Variants in SAMD5 observed in about 807,000 individuals in gnomAD.
SAMD5 encodes the protein sterile alpha motif domain-containing protein 5.
Under a neutral mutation model 11.3 loss-of-function variants are expected in SAMD5, and 13 were observed. The observed-to-expected ratio is 1.15, with a 90% CI of 0.75 to 1.83. The LOEUF is 1.83. Among genes scored for constraint, SAMD5 ranks in the 40% most tolerant of loss-of-function variants. SAMD5 has a pLI of 0.00. For missense variants in SAMD5, 255 were observed against 239.1 expected (o/e 1.07, Z -0.44); for synonymous variants, 129 against 111.3 (o/e 1.16, Z -1.00).
At chr6:147,798,611 C>G in the SAMD5 span, among the ~76,000 whole-genome samples, 2 of 151,932 alleles carry the variant, frequency 1.3e-5, no homozygotes, top group African/African-American at 4.8e-5. Context: ...GAGTTCAATT[C>G]CTGGGTATCC....
chr6:147,608,902 C>T (rs1176516976), intron 1 of SAMD5, among the ~76,000 whole-genome samples: 3 of 151,910 alleles, frequency 2.0e-5, no homozygotes, highest in African/African-American at 7.3e-5. Context: ...CAAAACAGCT[C>T]GTGTACCCCA....
chr6:147,916,696 T>A, the SAMD5 span, among the ~76,000 whole-genome samples: 1 of 143,692 alleles, frequency 7.0e-6, no homozygotes, highest in African/African-American at 2.6e-5. Flanking sequence ...CCTAAAGCTA[T>A]CCCTCCTCCC....
At chr6:147,764,166 A>G in the SAMD5 span, among the ~76,000 whole-genome samples, 2 of 152,202 alleles carry the variant, frequency 1.3e-5, no homozygotes, top group African/African-American at 4.8e-5. Flanking sequence ...GTTAACTAGT[A>G]TTTATGGGTG....
intron 1 of SAMD5, among the ~76,000 whole-genome samples, chr6:147,716,516 A>G (rs898573984): frequency 1.8e-4 from 28 of 152,222 alleles, no homozygotes; most frequent in African/African-American, 6.0e-4. Flanking sequence ...CCCCAAGAGC[A>G]CAGGGATGCC....
At chr6:147,639,546 G>A (rs1304976670) in intron 1 of SAMD5, among the ~76,000 whole-genome samples, 1 of 152,184 alleles carries the variant, frequency 6.6e-6, no homozygotes, top group East Asian at 1.9e-4. Context: ...CTCCCAAGGG[G>A]TGGGTGCTAC....
chr6:147,769,005 G>A, the SAMD5 span, among the ~76,000 whole-genome samples: 1 of 152,168 alleles, frequency 6.6e-6, no homozygotes, highest in South Asian at 2.1e-4. Flanking sequence ...TTTTGCCCAG[G>A]TTGGTCTCGA....
intron 1 of SAMD5, among the ~76,000 whole-genome samples, chr6:147,706,985 T>C (rs1354348396): frequency 6.6e-6 from 1 of 152,200 alleles, no homozygotes; most frequent in Non-Finnish European, 1.5e-5. Context: ...CAAATTAACT[T>C]ACGGTGTAAA....
At chr6:147,552,725 C>A (rs1201777596) in intron 1 of SAMD5, among the ~76,000 whole-genome samples, 1 of 151,972 alleles carries the variant, frequency 6.6e-6, no homozygotes, top group African/African-American at 2.4e-5. Context: ...CTGTGTGGGG[C>A]GGGGTTGCGG....
chr6:147,916,040 A>C, the SAMD5 span, among the ~76,000 whole-genome samples: 50 of 151,620 alleles, frequency 3.3e-4, no homozygotes, highest in Non-Finnish European at 5.9e-4. Context: ...GCTGAGAATG[A>C]TGGTTTCCAG....
At chr6:147,594,083 C>T (rs1053334433) in intron 1 of SAMD5, among the ~76,000 whole-genome samples, 1 of 151,822 alleles carries the variant, frequency 6.6e-6, no homozygotes, top group Non-Finnish European at 1.5e-5. Flanking sequence ...GAGCTGAGAT[C>T]GCGCCACTGC....
At chr6:147,786,049 G>T in the SAMD5 span, among the ~76,000 whole-genome samples, 1 of 152,074 alleles carries the variant, frequency 6.6e-6, no homozygotes, top group Admixed American at 6.6e-5. Context: ...CAGCAGGAAG[G>T]CATGCTCACT....
At chr6:147,639,425 T>C (rs981830128) in intron 1 of SAMD5, among the ~76,000 whole-genome samples, 2 of 152,222 alleles carry the variant, frequency 1.3e-5, no homozygotes, top group Non-Finnish European at 2.9e-5. Context: ...ACTTTGTGCA[T>C]AGCTGTGTTC....
chr6:147,525,130 T>A (rs914858939), intron 1 of SAMD5, among the ~76,000 whole-genome samples: 26 of 151,546 alleles, frequency 1.7e-4, no homozygotes, highest in Non-Finnish European at 3.4e-4. Context: ...AGGGAGTGGG[T>A]ATGTCTTAGA....
At chr6:147,928,240 AGC>A in the SAMD5 span, among the ~76,000 whole-genome samples, 1 of 152,212 alleles carries the variant, frequency 6.6e-6, no homozygotes. Context: ...TAATGGTACC[AGC>A]GCTTCTTTGT....
chr6:147,539,401 A>G (rs979035990), intron 1 of SAMD5, among the ~76,000 whole-genome samples: 1 of 152,188 alleles, frequency 6.6e-6, no homozygotes, highest in East Asian at 1.9e-4. Context: ...TATTATTAGC[A>G]ATCCCTTGAA....
intron 1 of SAMD5, among the ~76,000 whole-genome samples, chr6:147,665,896 A>G (rs556512657): frequency 6.6e-6 from 1 of 152,052 alleles, no homozygotes; most frequent in African/African-American, 2.4e-5. Context: ...TGAAAAAGTT[A>G]TTTTTTTCCC....
the SAMD5 span, among the ~76,000 whole-genome samples, chr6:147,877,205 A>G: frequency 6.6e-6 from 1 of 152,152 alleles, no homozygotes; most frequent in Non-Finnish European, 1.5e-5. Flanking sequence ...TTAAATATTA[A>G]CTAAATATTA....
chr6:147,748,508 TATC>T, the SAMD5 span, among the ~76,000 whole-genome samples: 1 of 152,238 alleles, frequency 6.6e-6, no homozygotes, highest in African/African-American at 2.4e-5. Context: ...AAGTGATTTT[TATC>T]ATCATTATTA....
At chr6:147,650,863 C>T (rs1790473609) in intron 1 of SAMD5, among the ~76,000 whole-genome samples, 1 of 152,096 alleles carries the variant, frequency 6.6e-6, no homozygotes, top group Admixed American at 6.6e-5. Context: ...GGTTGGAACG[C>T]AGAAGACAGA....
Sources: gnomAD v4.1 joint callset for allele counts (sites outside exome capture counted in the v4.1 genomes callset) on GRCh38, gnomAD v4.1.1 for gene constraint, MANE v1.5 for transcripts, NCBI Gene and HGNC (gene_info 2026-07-23, HGNC 2026-07-21) for gene names.